The following ATG13 variants were observed in gnomAD, a reference collection of about 807,000 sequenced individuals.
ATG13 encodes the protein autophagy related 13, also known as autophagy-related protein 13.
In ATG13, 23 loss-of-function variants were observed where a neutral mutation model predicts 65.5. The observed-to-expected ratio is 0.35, with a 90% CI of 0.25 to 0.50. The LOEUF (loss-of-function observed/expected upper bound fraction) is 0.50, where lower values mean the gene tolerates loss of function less well. ATG13 is among the 20% of genes least tolerant of loss of function. The pLI is 0.98. For missense variants in ATG13, 566 were observed against 677.0 expected, an observed-to-expected ratio of 0.84 and a Z score of 1.82; for synonymous variants, 252 against 245.2, an observed-to-expected ratio of 1.03 and a Z score of -0.26.
chr11:46,672,036 C>A (rs2063846260), intron 18 of ATG13, among the ~76,000 whole-genome samples: 1 of 152,232 alleles, frequency 6.6e-6, no homozygotes, highest in South Asian at 2.1e-4. Context: ...CACTTGGACT[C>A]CCAAGGCCGT....
intron 2 of ATG13, among the ~76,000 whole-genome samples, chr11:46,635,130 C>T (rs995247320): frequency 6.6e-6 from 1 of 152,006 alleles, no homozygotes; most frequent in Non-Finnish European, 1.5e-5. Flanking sequence ...GCCTCAGCCT[C>T]CCAAGTGGCT....
intron 6 of ATG13, 35 bp from the exon 7 acceptor site, chr11:46,650,142 T>C: frequency 6.2e-7 from 1 of 1,606,026 alleles, no homozygotes; most frequent in Non-Finnish European, 8.5e-7. Context: ...CAGCGCTAAA[T>C]AGAAGAATGC....
chr11:46,662,963 G>T (rs2061485207), intron 11 of ATG13, among the ~76,000 whole-genome samples: 1 of 152,050 alleles, frequency 6.6e-6, no homozygotes, highest in African/African-American at 2.4e-5. Flanking sequence ...TAGCTAATCG[G>T]TCAGGTTTAA....
At chr11:46,655,329 C>CT (rs1325594015) in intron 7 of ATG13, among the ~76,000 whole-genome samples, 1 of 151,230 alleles carries the variant, frequency 6.6e-6, no homozygotes, top group Non-Finnish European at 1.5e-5. Flanking sequence ...ACCTGGGAGG[C>CT]GGAGCTTGCA....
chr11:46,646,132 T>C, intron 5 of ATG13, 143 bp downstream of exon 5: 1 of 1,212,886 alleles, frequency 8.2e-7, no homozygotes, highest in South Asian at 1.8e-5. Context: ...GTTTTTTTTG[T>C]TCTTTTTTGT....
At chr11:46,671,312 A>G (rs2063675656) in intron 18 of ATG13, among the ~76,000 whole-genome samples, 1 of 152,242 alleles carries the variant, frequency 6.6e-6, no homozygotes, top group Non-Finnish European at 1.5e-5. Flanking sequence ...TTTAGTCATC[A>G]GTAGAGACGC....
At chr11:46,624,004 T>A (rs1256654502) in intron 1 of ATG13, among the ~76,000 whole-genome samples, 1 of 151,816 alleles carries the variant, frequency 6.6e-6, no homozygotes, top group Non-Finnish European at 1.5e-5. Flanking sequence ...TTTATCAAAT[T>A]CAGGAATTTT....
In ATG13 at chr11:46,644,365, T is replaced by C. The variant is rs890908933; in HGVS notation, c.69+5T>C. ...ATTAAATTTTTTGCCCTCAAGGTAA[T>C]GTGTCCATTCTCTTGAGCCTAGAAC... On this transcript the variant is annotated splice_donor_5th_base_variant and intron_variant, in intron 3 of 18. Transcript: ENST00000683050. 2.5e-6 allele frequency: 4 copies of C among 1,601,718 alleles called. No individual in the cohort carries two copies. The highest frequency in any genetic ancestry group is 3.4e-6 in the Non-Finnish European group (4 of 1,173,376).
chr11:46,636,816 C>A (rs1164981755), intron 2 of ATG13, among the ~76,000 whole-genome samples: 1 of 151,706 alleles, frequency 6.6e-6, no homozygotes, highest in Non-Finnish European at 1.5e-5. Context: ...CATTCTGTCA[C>A]CAGGCTAGAG....
chr11:46,622,894 C>G (rs370531318), intron 1 of ATG13, among the ~76,000 whole-genome samples: 9 of 152,194 alleles, frequency 5.9e-5, no homozygotes, highest in African/African-American at 2.2e-4. Flanking sequence ...TTAGATTTGG[C>G]TGTAGTGGAC....
chr11:46,671,729 G>A (rs1027851359), intron 18 of ATG13, among the ~76,000 whole-genome samples: 3 of 152,180 alleles, frequency 2.0e-5, no homozygotes, highest in East Asian at 1.9e-4. Context: ...GTGACAGAGC[G>A]AGACTCTGTC....
chr11:46,647,730 C>A (rs554312880), intron 5 of ATG13, among the ~76,000 whole-genome samples: 1 of 150,808 alleles, frequency 6.6e-6, no homozygotes, highest in Non-Finnish European at 1.5e-5. Flanking sequence ...CACCACCACA[C>A]ATGGCTAATG....
chr11:46,657,059 C>T (rs976024947), intron 8 of ATG13, 36 bp from the exon 9 acceptor site: 3 of 1,552,210 alleles, frequency 1.9e-6, no homozygotes, highest in South Asian at 1.1e-5. Context: ...TCAGTATTCT[C>T]TGCAAAAGAA....
At chr11:46,655,226 C>T (rs1303492908) in intron 7 of ATG13, among the ~76,000 whole-genome samples, 1 of 152,016 alleles carries the variant, frequency 6.6e-6, no homozygotes, top group Non-Finnish European at 1.5e-5. Flanking sequence ...GGCGAAAACC[C>T]GTCTCTACTA....
chr11:46,629,690 C>T (rs1052857075), intron 1 of ATG13, among the ~76,000 whole-genome samples: 7 of 152,148 alleles, frequency 4.6e-5, no homozygotes, highest in African/African-American at 1.7e-4. Flanking sequence ...AGCCACCATG[C>T]CTGGCCGACC....
At chr11:46,666,416 T>G (rs571346197) in intron 14 of ATG13, among the ~76,000 whole-genome samples, 53 of 152,348 alleles carry the variant, frequency 3.5e-4, no homozygotes, top group African/African-American at 1.3e-3. Context: ...TGATCTCCTT[T>G]TTCTGCTGTG....
At chr11:46,663,962 T>TTTTTTAAACTTTCAA in intron 11 of ATG13, 35 bp from the exon 12 acceptor site, 1 of 1,227,216 alleles carries the variant, frequency 8.1e-7, no homozygotes, top group Non-Finnish European at 1.1e-6. Context: ...TTTTTTTTTT[T>TTTTTTAAACTTTCAA]TGTTTCTCCT....
intron 1 of ATG13, chr11:46,618,184 T>G (rs1233493089): frequency 9.5e-6 from 3 of 314,890 alleles, no homozygotes; most frequent in Non-Finnish European, 1.7e-5. Context: ...ACTCCGGGGT[T>G]GGGTGCCAAT....
At chr11:46,663,124 G>C (rs1270367567) in intron 11 of ATG13, among the ~76,000 whole-genome samples, 1 of 151,992 alleles carries the variant, frequency 6.6e-6, no homozygotes, top group African/African-American at 2.4e-5. Context: ...AAATTAGCCA[G>C]GCTTGGTGGC....
Sources: allele counts gnomAD v4.1 joint callset (sites outside exome capture counted in the v4.1 genomes callset), GRCh38; gene constraint gnomAD v4.1.1; transcripts MANE v1.5; gene names NCBI Gene and HGNC (gene_info 2026-07-23, HGNC 2026-07-21).